The following WWOX variants were observed in gnomAD, a reference collection of about 807,000 sequenced individuals.
WWOX encodes the protein WW domain-containing oxidoreductase.
In WWOX, 69 loss-of-function variants were observed where a neutral mutation model predicts 46.2. The ratio of observed to expected loss-of-function variants is 1.49; its 90% CI spans 1.23 to 1.82. The LOEUF (loss-of-function observed/expected upper bound fraction) is 1.82. Ranked by LOEUF, WWOX falls within the 40% of genes most tolerant of loss-of-function variation. The pLI is 0.00. For synonymous variants in WWOX, 359 were observed against 202.6 expected, an observed-to-expected ratio of 1.77 and a Z score of -6.56; for missense variants, 919 against 542.6, an observed-to-expected ratio of 1.69 and a Z score of -6.89.
At chr16:78,833,050 T>TC (rs2051874899) in intron 8 of WWOX, among the ~76,000 whole-genome samples, 1 of 128,772 alleles carries the variant, frequency 7.8e-6, no homozygotes, top group African/African-American at 2.7e-5. Context: ...TTTTTTTTTT[T>TC]TCCTTTCTTA....
chr16:78,979,608 G>A (rs1204459486), intron 8 of WWOX, among the ~76,000 whole-genome samples: 1 of 152,116 alleles, frequency 6.6e-6, no homozygotes, highest in Non-Finnish European at 1.5e-5. Context: ...TCAAATGGGA[G>A]TTTCTACCGA....
chr16:78,173,850 C>T (rs373043285), intron 5 of WWOX, among the ~76,000 whole-genome samples: 7 of 152,090 alleles, frequency 4.6e-5, no homozygotes, highest in Non-Finnish European at 8.8e-5. Context: ...GCTGGAAGTC[C>T]GAGACGAGGG....
intron 6 of WWOX, among the ~76,000 whole-genome samples, chr16:78,398,569 A>C (rs2082341159): frequency 6.6e-6 from 1 of 152,130 alleles, no homozygotes; most frequent in Non-Finnish European, 1.5e-5. Context: ...TCAGCAACAC[A>C]CCCAATCATT....
intron 8 of WWOX, among the ~76,000 whole-genome samples, chr16:78,759,466 G>A (rs1177070980): frequency 6.6e-6 from 1 of 152,162 alleles, no homozygotes; most frequent in Admixed American, 6.5e-5. Context: ...GAGGATTTTG[G>A]TGGTGTTTGC....
intron 8 of WWOX, among the ~76,000 whole-genome samples, chr16:78,445,903 G>A (rs892322393): frequency 6.6e-6 from 1 of 151,470 alleles, no homozygotes; most frequent in African/African-American, 2.4e-5. Context: ...GCAGGGGAGG[G>A]GGGAAAGAAG....
intron 8 of WWOX, among the ~76,000 whole-genome samples, chr16:79,072,039 T>G (rs998291794): frequency 3.3e-5 from 5 of 152,138 alleles, no homozygotes; most frequent in Non-Finnish European, 7.4e-5. Context: ...TCCTAGCACT[T>G]TGGAAGGCAG....
At chr16:78,221,035 C>T (rs1276106915) in intron 5 of WWOX, among the ~76,000 whole-genome samples, 2 of 152,202 alleles carry the variant, frequency 1.3e-5, no homozygotes, top group East Asian at 3.9e-4. Context: ...TATCATATAT[C>T]TTTAAGTAGG....
intron 8 of WWOX, among the ~76,000 whole-genome samples, chr16:79,050,713 G>C (rs1034360968): frequency 6.6e-6 from 1 of 152,194 alleles, no homozygotes; most frequent in East Asian, 1.9e-4. Context: ...CTGGCGAAAT[G>C]AATGGGGCTA....
At chr16:79,162,217 A>G (rs1318318391) in intron 8 of WWOX, among the ~76,000 whole-genome samples, 3 of 152,166 alleles carry the variant, frequency 2.0e-5, no homozygotes, top group African/African-American at 7.2e-5. Flanking sequence ...AGATGCTGGT[A>G]TGTATCATTC....
At chr16:78,697,748 T>A (rs184572861) in intron 8 of WWOX, among the ~76,000 whole-genome samples, 2 of 152,320 alleles carry the variant, frequency 1.3e-5, no homozygotes, top group East Asian at 3.9e-4. Flanking sequence ...AGGTTAGGTG[T>A]GTTAAATGCA....
intron 8 of WWOX, among the ~76,000 whole-genome samples, chr16:78,463,907 A>G (rs1434662385): frequency 6.6e-6 from 1 of 152,170 alleles, no homozygotes; most frequent in Non-Finnish European, 1.5e-5. Context: ...GGGGCTCAGG[A>G]TGAGGATGTT....
chr16:78,381,799 A>G (rs562137859), intron 5 of WWOX, among the ~76,000 whole-genome samples: 1 of 152,262 alleles, frequency 6.6e-6, no homozygotes, highest in East Asian at 1.9e-4. Flanking sequence ...AAATGGATAG[A>G]CATATAGGTA....
intron 8 of WWOX, among the ~76,000 whole-genome samples, chr16:79,080,767 G>A (rs2048746002): frequency 6.6e-6 from 1 of 152,122 alleles, no homozygotes; most frequent in Admixed American, 6.5e-5. Context: ...AGGAGTTTGA[G>A]ACCAGCCCGG....
intron 6 of WWOX, among the ~76,000 whole-genome samples, chr16:78,414,311 C>A (rs942396528): frequency 6.6e-6 from 1 of 152,284 alleles, no homozygotes; most frequent in Non-Finnish European, 1.5e-5. Flanking sequence ...GTTTGGTGGT[C>A]TCTTCACATG....
At chr16:78,425,603 A>G (rs745358848) in intron 7 of WWOX, among the ~76,000 whole-genome samples, 1 of 152,210 alleles carries the variant, frequency 6.6e-6, no homozygotes, top group African/African-American at 2.4e-5. Flanking sequence ...CTTTTTTCCT[A>G]TTGCCATTAG....
At chr16:78,172,169 A>G (rs2035184058) in intron 5 of WWOX, among the ~76,000 whole-genome samples, 1 of 152,124 alleles carries the variant, frequency 6.6e-6, no homozygotes. Flanking sequence ...ATTTGCATTT[A>G]TTTGTATGAA....
At chr16:78,540,641 G>C (rs1310965533) in intron 8 of WWOX, among the ~76,000 whole-genome samples, 1 of 151,886 alleles carries the variant, frequency 6.6e-6, no homozygotes, top group Non-Finnish European at 1.5e-5. Context: ...CCTGAGCTCT[G>C]AGTTTCTGTG....
chr16:79,126,543 C>A (rs1007983971), intron 8 of WWOX, among the ~76,000 whole-genome samples: 7 of 152,130 alleles, frequency 4.6e-5, no homozygotes, highest in African/African-American at 1.7e-4. Flanking sequence ...CTTGCTTCCC[C>A]TTCGTCTTCT....
chr16:78,636,102 C>G (rs1191650539), intron 8 of WWOX, among the ~76,000 whole-genome samples: 1 of 152,104 alleles, frequency 6.6e-6, no homozygotes, highest in East Asian at 1.9e-4. Context: ...GATTAAAATG[C>G]CTTTGACAGG....
Sources: allele counts gnomAD v4.1 joint callset (sites outside exome capture counted in the v4.1 genomes callset), GRCh38; gene constraint gnomAD v4.1.1; transcripts MANE v1.5; gene names NCBI Gene and HGNC (gene_info 2026-07-23, HGNC 2026-07-21).